Variants in ASTN2 observed in about 807,000 individuals in gnomAD.
The protein encoded by ASTN2 is astrotactin-2.
ASTN2 carries 54 observed loss-of-function variants against 139.8 expected under a neutral mutation model. The ratio of observed to expected loss-of-function variants is 0.39; its 90% CI spans 0.31 to 0.48. ASTN2 has a LOEUF of 0.48. ASTN2 is among the 20% of genes least tolerant of loss of function. The pLI is 0.95. For synonymous variants in ASTN2, 756 were observed against 719.5 expected (o/e 1.05, Z -0.81); for missense variants, 1,565 against 1,725.1 (o/e 0.91, Z 1.64).
intron 7 of ASTN2, among the ~76,000 whole-genome samples, chr9:116,982,108 G>C (rs1371259746): frequency 6.6e-6 from 1 of 152,188 alleles, no homozygotes; most frequent in East Asian, 1.9e-4. Context: ...TTCCAAACAG[G>C]ACAATGCTTT....
intron 19 of ASTN2, among the ~76,000 whole-genome samples, chr9:116,520,741 C>A (rs898699684): frequency 6.6e-6 from 1 of 151,896 alleles, no homozygotes; most frequent in African/African-American, 2.4e-5. Flanking sequence ...TAATCATATA[C>A]CTAAAAAACT....
At chr9:116,792,447 G>A (rs1830584159) in intron 13 of ASTN2, among the ~76,000 whole-genome samples, 1 of 152,204 alleles carries the variant, frequency 6.6e-6, no homozygotes, top group South Asian at 2.1e-4. Flanking sequence ...AAATTGCAGC[G>A]TGGGCACATA....
At chr9:116,601,197 G>A (rs959075277) in intron 19 of ASTN2, among the ~76,000 whole-genome samples, 6 of 152,144 alleles carry the variant, frequency 3.9e-5, no homozygotes, top group Non-Finnish European at 1.5e-5. Flanking sequence ...AGACCCAAGT[G>A]GGAAAGAAAA....
chr9:117,095,304 T>C (rs1461868170), intron 5 of ASTN2, among the ~76,000 whole-genome samples: 2 of 152,338 alleles, frequency 1.3e-5, no homozygotes, highest in African/African-American at 4.8e-5. Context: ...TTGCCTGAAA[T>C]ATGCTGTTTT....
intron 11 of ASTN2, among the ~76,000 whole-genome samples, chr9:116,822,465 G>C (rs1023302932): frequency 6.6e-6 from 1 of 152,160 alleles, no homozygotes; most frequent in Non-Finnish European, 1.5e-5. Context: ...AACATTCACT[G>C]TCAGACAAGA....
chr9:117,299,615 A>G (rs1834827210), intron 1 of ASTN2, among the ~76,000 whole-genome samples: 1 of 152,188 alleles, frequency 6.6e-6, no homozygotes, highest in South Asian at 2.1e-4. Context: ...AGAAGCCACC[A>G]TTATAGAGAG....
intron 6 of ASTN2, among the ~76,000 whole-genome samples, chr9:117,025,444 T>C (rs1838039667): frequency 6.6e-6 from 1 of 152,108 alleles, no homozygotes; most frequent in Non-Finnish European, 1.5e-5. Context: ...CCTCTGTATC[T>C]TTTTTCAGGC....
intron 11 of ASTN2, among the ~76,000 whole-genome samples, chr9:116,838,958 A>T (rs1378510304): frequency 3.3e-5 from 5 of 152,230 alleles, no homozygotes; most frequent in Admixed American, 3.3e-4. Flanking sequence ...GTTTTAAGAC[A>T]TCACAAGGAT....
intron 11 of ASTN2, among the ~76,000 whole-genome samples, chr9:116,851,271 C>G (rs967539661): frequency 6.6e-6 from 1 of 152,080 alleles, no homozygotes. Context: ...GTCTTGGCCA[C>G]TTCCAGAAGG....
intron 2 of ASTN2, among the ~76,000 whole-genome samples, chr9:117,230,276 C>G (rs542797358): frequency 5.3e-5 from 8 of 151,918 alleles, no homozygotes; most frequent in African/African-American, 1.9e-4. Flanking sequence ...AATGAAGGTA[C>G]AAGCAGGGCC....
rs1554766680 is a variant in ASTN2, at chr9:116,978,495, G to GTGCACACACACA, written c.1592-1711_1592-1710insTGTGTGTGTGCA. On this transcript the variant is annotated intron_variant, in intron 7 of 22. Coordinates refer to ENST00000313400, the MANE Select transcript of ASTN2 (RefSeq NM_001365068.1). Reference sequence around the variant, plus strand: ...ATCTCTCTCTCTCTCTCTCTCTCACGCACACACACACACACACACACACAC... The same window carrying GTGCACACACACA: ...ATCTCTCTCTCTCTCTCTCTCTCACGTGCACACACACACACACACACACACACACACACACAC... 2.3e-5 allele frequency among the ~76,000 whole-genome samples: 3 copies of GTGCACACACACA among 127,722 alleles called. 1 individual carries two copies. The South Asian group carries it at 7.7e-4, about 33-fold the overall frequency. 83.8% of individuals were successfully genotyped at this position (127,722 alleles called of 152,430 possible).
intron 1 of ASTN2, among the ~76,000 whole-genome samples, chr9:117,397,848 G>A (rs760483604): frequency 4.6e-5 from 7 of 152,102 alleles, no homozygotes; most frequent in South Asian, 4.1e-4. Flanking sequence ...GAAGTTTAAC[G>A]AAGAAGAAGA....
intron 16 of ASTN2, among the ~76,000 whole-genome samples, chr9:116,701,680 T>G (rs1861175485): frequency 6.6e-6 from 1 of 152,188 alleles, no homozygotes. Context: ...TCTAAACCAG[T>G]CATGCCTTTT....
At chr9:116,982,306 C>T (rs1836533461) in intron 7 of ASTN2, among the ~76,000 whole-genome samples, 1 of 152,168 alleles carries the variant, frequency 6.6e-6, no homozygotes, top group Non-Finnish European at 1.5e-5. Context: ...CACCATATGC[C>T]TGTGGGAAGG....
chr9:116,442,913 T>G (rs1847881064), intron 20 of ASTN2, among the ~76,000 whole-genome samples: 1 of 152,192 alleles, frequency 6.6e-6, no homozygotes, highest in Non-Finnish European at 1.5e-5. Flanking sequence ...GATATATCCA[T>G]TTATATATTC....
chr9:116,802,332 C>T (rs960975371), intron 13 of ASTN2, among the ~76,000 whole-genome samples: 13 of 152,112 alleles, frequency 8.5e-5, no homozygotes, highest in African/African-American at 1.9e-4. Flanking sequence ...ATGATCTGCC[C>T]GCCTCAGCCT....
At chr9:117,269,582 A>G (rs1188596551) in intron 2 of ASTN2, among the ~76,000 whole-genome samples, 2 of 152,196 alleles carry the variant, frequency 1.3e-5, no homozygotes, top group Non-Finnish European at 2.9e-5. Context: ...TGCTTGAAGA[A>G]CATCCAGCTG....
intron 20 of ASTN2, among the ~76,000 whole-genome samples, chr9:116,451,916 C>A (rs1848188101): frequency 6.6e-6 from 1 of 151,636 alleles, no homozygotes; most frequent in Non-Finnish European, 1.5e-5. Context: ...TGTGGCTTGG[C>A]TTTAACAACA....
At position 117,166,284 on chromosome 9, in the gene ASTN2, C is replaced by A. The variant is rs1209294086; in HGVS notation, c.1016-24806G>T. On this transcript the variant is annotated intron_variant, in intron 3 of 22. Transcript: ENST00000313400. ...TGAAGGGTCAGGTCACAAAGGAGAG[C>A]CCAGCAAATCCTCCGGTATGGCTCC... Among the ~76,000 whole-genome samples, 4 of 151,972 alleles carry A rather than the reference C, an allele frequency of 2.6e-5. No homozygotes were observed. In the South Asian group the frequency reaches 6.2e-4, roughly 24 times the overall value.
Sources: allele counts gnomAD v4.1 joint callset (sites outside exome capture counted in the v4.1 genomes callset), GRCh38; gene constraint gnomAD v4.1.1; transcripts MANE v1.5; gene names NCBI Gene and HGNC (gene_info 2026-07-23, HGNC 2026-07-21).